Variants in TAFA1 observed in about 807,000 individuals in gnomAD.
The protein encoded by TAFA1 is chemokine-like protein TAFA-1.
In TAFA1, 4 loss-of-function variants were observed where a neutral mutation model predicts 18.5. The ratio of observed to expected loss-of-function variants is 0.22; its 90% CI spans 0.11 to 0.49. The LOEUF (loss-of-function observed/expected upper bound fraction) is 0.49, where lower values mean the gene tolerates loss of function less well. TAFA1 is among the 20% of genes least tolerant of loss of function. The pLI is 0.98. For synonymous variants in TAFA1, 56 were observed against 55.2 expected (o/e 1.01, Z -0.06); for missense variants, 147 against 169.0 (o/e 0.87, Z 0.72).
At chr3:68,325,279 C>T (rs763635139) in intron 2 of TAFA1, among the ~76,000 whole-genome samples, 2 of 152,252 alleles carry the variant, frequency 1.3e-5, no homozygotes, top group South Asian at 2.1e-4. Flanking sequence ...CCCTGTAGAG[C>T]GACGTGGTTG....
At chr3:68,517,982 C>A (rs1480203722) in intron 3 of TAFA1, among the ~76,000 whole-genome samples, 1 of 152,092 alleles carries the variant, frequency 6.6e-6, no homozygotes, top group East Asian at 1.9e-4. Context: ...TCCAGAAATG[C>A]TGAACTAATA....
At chr3:68,529,499 T>G (rs564084730) in intron 3 of TAFA1, among the ~76,000 whole-genome samples, 39 of 146,036 alleles carry the variant, frequency 2.7e-4, no homozygotes, top group Middle Eastern at 3.6e-3. Flanking sequence ...AGAACTTCCA[T>G]AGTCTTATTA....
At chr3:68,169,810 A>G (rs2066030004) in intron 2 of TAFA1, among the ~76,000 whole-genome samples, 1 of 152,196 alleles carries the variant, frequency 6.6e-6, no homozygotes, top group Admixed American at 6.5e-5. Context: ...ATTTGTAGCA[A>G]ATGTTTAAAA....
intron 3 of TAFA1, among the ~76,000 whole-genome samples, chr3:68,476,011 G>A (rs1469194044): frequency 2.6e-5 from 4 of 152,064 alleles, no homozygotes; most frequent in Non-Finnish European, 4.4e-5. Flanking sequence ...GGGATTGTTT[G>A]TTTTTTTCTT....
At chr3:68,146,022 T>A (rs1039351154) in intron 2 of TAFA1, among the ~76,000 whole-genome samples, 5 of 152,102 alleles carry the variant, frequency 3.3e-5, no homozygotes, top group African/African-American at 9.7e-5. Flanking sequence ...ATTTTATCAG[T>A]TTTTTCCATA....
chr3:67,995,177 C>A, the TAFA1 span, among the ~76,000 whole-genome samples: 1 of 152,220 alleles, frequency 6.6e-6, no homozygotes, highest in Non-Finnish European at 1.5e-5. Context: ...GAACATATCT[C>A]TTAGTTGACA....
intron 2 of TAFA1, among the ~76,000 whole-genome samples, chr3:68,278,528 C>T (rs1258912629): frequency 6.6e-6 from 1 of 152,012 alleles, no homozygotes; most frequent in Non-Finnish European, 1.5e-5. Context: ...CCTCATAAGT[C>T]CTATGTATTT....
chr3:68,234,143 G>A (rs1040779001), intron 2 of TAFA1, among the ~76,000 whole-genome samples: 2 of 152,078 alleles, frequency 1.3e-5, no homozygotes, highest in African/African-American at 4.8e-5. Context: ...TTATCAGCTG[G>A]GGTGGTGATT....
At chr3:68,149,669 G>T (rs2065782216) in intron 2 of TAFA1, among the ~76,000 whole-genome samples, 1 of 152,220 alleles carries the variant, frequency 6.6e-6, no homozygotes, top group Non-Finnish European at 1.5e-5. Flanking sequence ...GGAGGGATTT[G>T]TCCCCATGAC....
chr3:68,313,903 G>T (rs1022166595), intron 2 of TAFA1, among the ~76,000 whole-genome samples: 13 of 152,142 alleles, frequency 8.5e-5, no homozygotes, highest in Admixed American at 8.5e-4. Context: ...TAAGAAGTGG[G>T]TATGAATATT....
chr3:68,258,854 A>G (rs895052136), intron 2 of TAFA1, among the ~76,000 whole-genome samples: 2 of 152,204 alleles, frequency 1.3e-5, no homozygotes, highest in Admixed American at 6.6e-5. Context: ...TCTCTTCTGC[A>G]TCTTCTGTCA....
intron 2 of TAFA1, among the ~76,000 whole-genome samples, chr3:68,229,918 G>A (rs994422343): frequency 2.6e-5 from 4 of 152,130 alleles, no homozygotes; most frequent in African/African-American, 9.7e-5. Context: ...AAAATCCTTA[G>A]AATAGCACAG....
At chr3:68,204,949 A>G (rs979070050) in intron 2 of TAFA1, among the ~76,000 whole-genome samples, 2 of 151,826 alleles carry the variant, frequency 1.3e-5, no homozygotes, top group African/African-American at 4.8e-5. Context: ...AAGCATAACT[A>G]TTCCCATTTA....
intron 2 of TAFA1, among the ~76,000 whole-genome samples, chr3:68,339,704 T>C (rs962970042): frequency 1.3e-5 from 2 of 152,230 alleles, no homozygotes; most frequent in African/African-American, 4.8e-5. Context: ...AATGTAGATT[T>C]TTGAGGAAAG....
chr3:68,090,044 C>T (rs1231941997), intron 2 of TAFA1, among the ~76,000 whole-genome samples: 1 of 152,156 alleles, frequency 6.6e-6, no homozygotes, highest in African/African-American at 2.4e-5. Context: ...AGCCCTTCTA[C>T]TCACTAAGAA....
chr3:68,340,052 A>T (rs1371985139), intron 2 of TAFA1, among the ~76,000 whole-genome samples: 3 of 152,166 alleles, frequency 2.0e-5, no homozygotes, highest in Non-Finnish European at 4.4e-5. Flanking sequence ...GTTCTCATAC[A>T]CCATCAAAAC....
intron 2 of TAFA1, among the ~76,000 whole-genome samples, chr3:68,180,873 C>T (rs1292037873): frequency 6.6e-6 from 1 of 152,168 alleles, no homozygotes; most frequent in Non-Finnish European, 1.5e-5. Context: ...CTGGAAAAAA[C>T]AACCACAGAA....
At chr3:68,527,687 C>T (rs2073127974) in intron 3 of TAFA1, among the ~76,000 whole-genome samples, 2 of 151,896 alleles carry the variant, frequency 1.3e-5, no homozygotes, top group Admixed American at 1.3e-4. Flanking sequence ...GTGCAGAGTT[C>T]CAAAAAGAGA....
At chr3:68,067,846 C>G (rs1005229995) in intron 2 of TAFA1, among the ~76,000 whole-genome samples, 1 of 152,012 alleles carries the variant, frequency 6.6e-6, no homozygotes, top group Non-Finnish European at 1.5e-5. Context: ...GAGACTCTGT[C>G]CCTACTGTCC....
Sources: gnomAD v4.1 joint callset for allele counts (sites outside exome capture counted in the v4.1 genomes callset) on GRCh38, gnomAD v4.1.1 for gene constraint, MANE v1.5 for transcripts, NCBI Gene and HGNC (gene_info 2026-07-23, HGNC 2026-07-21) for gene names.